The following TMEM245 variants were observed in gnomAD, a reference collection of about 807,000 sequenced individuals.
The protein encoded by TMEM245 is transmembrane protein 245.
Under a neutral mutation model 101.2 loss-of-function variants are expected in TMEM245, and 69 were observed. That is an observed-to-expected ratio of 0.68 (90% CI 0.56 to 0.83). The LOEUF is 0.83. TMEM245 is among the 40% of genes least tolerant of loss of function. The pLI, the probability that TMEM245 is intolerant of heterozygous loss-of-function variation, is 0.00. For synonymous variants in TMEM245, 537 were observed against 449.8 expected, an observed-to-expected ratio of 1.19 and a Z score of -2.45; for missense variants, 1,075 against 1,092.8, an observed-to-expected ratio of 0.98 and a Z score of 0.23.
At chr9:109,052,250 G>A (rs1418113064) in intron 12 of TMEM245, among the ~76,000 whole-genome samples, 1 of 152,084 alleles carries the variant, frequency 6.6e-6, no homozygotes, top group Admixed American at 6.6e-5. Context: ...TGCTTCCATA[G>A]ACCTCCCAAC....
At chr9:109,033,621 G>T in intron 16 of TMEM245, 120 bp from the exon 17 acceptor site, 1 of 865,046 alleles carries the variant, frequency 1.2e-6, no homozygotes, top group Non-Finnish European at 1.7e-6. Context: ...GCTTTCTTTA[G>T]ATCACCTCGA....
intron 1 of TMEM245, among the ~76,000 whole-genome samples, chr9:109,115,588 T>C: frequency 7.3e-6 from 1 of 136,430 alleles, no homozygotes; most frequent in Non-Finnish European, 1.5e-5. Flanking sequence ...TGGAGTGCAA[T>C]GGCGCGACCT....
At chr9:109,057,906 A>G (rs1828888171) in intron 11 of TMEM245, among the ~76,000 whole-genome samples, 1 of 146,074 alleles carries the variant, frequency 6.8e-6, no homozygotes. Flanking sequence ...TCTACAACAC[A>G]CTAAACAGCA....
intron 1 of TMEM245, among the ~76,000 whole-genome samples, chr9:109,111,765 A>C (rs1830572922): frequency 1.3e-5 from 2 of 152,226 alleles, no homozygotes; most frequent in African/African-American, 4.8e-5. Context: ...GATGAACATC[A>C]ATATACAGTG....
chr9:109,080,165 C>T (rs1829626524), intron 8 of TMEM245, among the ~76,000 whole-genome samples: 1 of 152,030 alleles, frequency 6.6e-6, no homozygotes, highest in Non-Finnish European at 1.5e-5. Context: ...ACATAAGCTT[C>T]ACCAACTCCT....
chr9:109,119,633 AGAAAAGTG>A lies in TMEM245; in HGVS notation c.273_280del (p.Thr92AlafsTer120). The A allele has an allele frequency of 6.4e-7, 1 of 1,564,066 alleles. No individual in the cohort carries two copies. The highest frequency in any genetic ancestry group is 8.6e-7 in the Non-Finnish European group (1 of 1,157,492). The stretch of plus-strand genomic sequence containing the variant: ...CGTCAGCGAGCTCTTGAAGGGGTGC[AGAAAAGTG>A]CCGCATAGCACGGCCCAGAGCAGCG... On this transcript the variant is annotated frameshift_variant, in exon 1 of 18. Coordinates refer to ENST00000374586, the MANE Select transcript of TMEM245 (RefSeq NM_032012.4). LOFTEE classifies it high-confidence loss of function.
chr9:109,038,721 C>CT (rs1418833748), intron 14 of TMEM245: 5 of 152,132 alleles, frequency 3.3e-5, no homozygotes, highest in African/African-American at 1.2e-4. Flanking sequence ...AAAAAATATT[C>CT]CTAACTCCAA....
At chr9:109,061,377 A>C (rs1265969188) in intron 10 of TMEM245, among the ~76,000 whole-genome samples, 1 of 152,136 alleles carries the variant, frequency 6.6e-6, no homozygotes, top group Non-Finnish European at 1.5e-5. Context: ...CCTTAATACA[A>C]TTGTTTCCAT....
intron 9 of TMEM245, among the ~76,000 whole-genome samples, chr9:109,064,994 C>G (rs1367279333): frequency 6.6e-6 from 1 of 152,178 alleles, no homozygotes; most frequent in Non-Finnish European, 1.5e-5. Flanking sequence ...CCATGTTAGT[C>G]AGACTGGTCT....
At chr9:109,108,711 ACGTAC>A in intron 1 of TMEM245, 141 bp from the exon 2 acceptor site, 1 of 532,404 alleles carries the variant, frequency 1.9e-6, no homozygotes. Flanking sequence ...TGTCAAAGAA[ACGTAC>A]CTAGGTTCTC....
intron 15 of TMEM245, 24 bp downstream of exon 15, chr9:109,037,993 T>C (rs1300196613): frequency 6.6e-7 from 1 of 1,519,660 alleles, no homozygotes; most frequent in Non-Finnish European, 8.9e-7. Context: ...TAGCGAATAG[T>C]GGAAGGTACA....
chr9:109,066,992 G>C (rs1029206171), intron 9 of TMEM245, among the ~76,000 whole-genome samples: 1 of 149,900 alleles, frequency 6.7e-6, no homozygotes, highest in African/African-American at 2.5e-5. Flanking sequence ...GGAGGCAGAG[G>C]TTGCAGTGAG....
chr9:109,075,933 T>C (rs1829485900), intron 8 of TMEM245, among the ~76,000 whole-genome samples: 1 of 152,240 alleles, frequency 6.6e-6, no homozygotes, highest in Non-Finnish European at 1.5e-5. Flanking sequence ...AGGTGGAAAC[T>C]TAAGTCACTG....
rs530334698 is a variant in TMEM245 at position 109,067,821 on chromosome 9, T to A, written c.1533-3254A>T. On this transcript the variant is annotated intron_variant, in intron 9 of 17. Transcript: ENST00000374586. ...AAGTCAAGGGACTACATGGGCCATA[T>A]AAAACCACACCAAGTTGGAAGAAAG... Among the ~76,000 whole-genome samples the A allele has an allele frequency of 2.6e-4, 39 of 152,264 alleles. No individual in the cohort carries two copies. In the East Asian group the frequency reaches 4.1e-3, roughly 16 times the overall value.
chr9:109,069,934 A>G (rs1829280374), intron 9 of TMEM245, among the ~76,000 whole-genome samples: 1 of 152,078 alleles, frequency 6.6e-6, no homozygotes, highest in Non-Finnish European at 1.5e-5. Context: ...GCTAAACCCA[A>G]TTTCACTCTT....
At chr9:109,050,458 A>C in intron 13 of TMEM245, 30 bp from the exon 14 acceptor site, 2 of 1,612,760 alleles carry the variant, frequency 1.2e-6, no homozygotes, top group Non-Finnish European at 1.7e-6. Context: ...ATCTCCTAAA[A>C]AAATCGTATT....
chr9:109,115,609 C>A (rs190078433), intron 1 of TMEM245, among the ~76,000 whole-genome samples: 1 of 138,070 alleles, frequency 7.2e-6, no homozygotes, highest in East Asian at 2.5e-4. Context: ...GGGCTCATTA[C>A]AACCTCTGCC....
intron 9 of TMEM245, among the ~76,000 whole-genome samples, chr9:109,065,346 C>T (rs1035410864): frequency 2.6e-5 from 4 of 151,860 alleles, no homozygotes; most frequent in Admixed American, 6.6e-5. Context: ...AAAAGGAACA[C>T]GACTAGGGCC....
At chr9:109,086,136 A>C in intron 6 of TMEM245, 116 bp from the exon 7 acceptor site, 2 of 1,126,996 alleles carry the variant, frequency 1.8e-6, no homozygotes, top group Non-Finnish European at 2.6e-6. Flanking sequence ...CATCCCAGAC[A>C]AAGGAAAAAC....
Sources: gnomAD v4.1 joint callset for allele counts (sites outside exome capture counted in the v4.1 genomes callset) on GRCh38, gnomAD v4.1.1 for gene constraint, MANE v1.5 for transcripts, NCBI Gene and HGNC (gene_info 2026-07-23, HGNC 2026-07-21) for gene names.